The following LRCH1 variants were observed in gnomAD, a reference collection of about 807,000 sequenced individuals.
The protein encoded by LRCH1 is leucine rich repeats and calponin homology domain containing 1.
LRCH1 carries 23 observed loss-of-function variants against 94.9 expected under a neutral mutation model. That is an observed-to-expected ratio of 0.24 (90% CI 0.17 to 0.34). The LOEUF is 0.34. Ranked by LOEUF, LRCH1 falls within the 10% of genes least tolerant of loss-of-function variation. The probability of loss-of-function intolerance (pLI) is 1.00; values close to 1 mark genes in which losing one functional copy is unlikely to be tolerated. For synonymous variants in LRCH1, 364 were observed against 354.9 expected (o/e 1.03, Z -0.29); for missense variants, 790 against 945.9 (o/e 0.84, Z 2.16).
chr13:46,633,109 A>ATTTT (rs778960212), intron 1 of LRCH1, among the ~76,000 whole-genome samples: 194 of 152,318 alleles, frequency 1.3e-3, no homozygotes, highest in Non-Finnish European at 1.9e-3. Flanking sequence ...TGTCTTTCTT[A>ATTTT]TCAGTGCTGC....
intron 1 of LRCH1, among the ~76,000 whole-genome samples, chr13:46,557,464 T>C (rs1025198368): frequency 7.2e-6 from 1 of 139,270 alleles, no homozygotes; most frequent in African/African-American, 2.5e-5. Flanking sequence ...TCCCAGCACT[T>C]TGGGAGGCCT....
At chr13:46,666,831 A>G (rs1280760496) in intron 2 of LRCH1, among the ~76,000 whole-genome samples, 2 of 151,794 alleles carry the variant, frequency 1.3e-5, no homozygotes, top group African/African-American at 4.8e-5. Context: ...TAACAGGAAG[A>G]CCCCCTCCTC....
chr13:46,728,017 A>G (rs1475499812), intron 17 of LRCH1, among the ~76,000 whole-genome samples: 2 of 151,824 alleles, frequency 1.3e-5, no homozygotes, highest in Non-Finnish European at 2.9e-5. Context: ...CCTGAGTTCA[A>G]GACATCCTCC....
intron 16 of LRCH1, among the ~76,000 whole-genome samples, chr13:46,720,849 A>G (rs1212955548): frequency 2.0e-5 from 3 of 152,194 alleles, no homozygotes; most frequent in Non-Finnish European, 4.4e-5. Flanking sequence ...GAGCCTAAAG[A>G]GATTGCCTTA....
intron 13 of LRCH1, chr13:46,705,557 C>T: frequency 1.6e-6 from 1 of 622,652 alleles, no homozygotes; most frequent in Non-Finnish European, 2.9e-6. Context: ...TTTTTTACCT[C>T]AGATCATCTT....
rs565342486 is a variant in LRCH1 at position 46,601,849 on chromosome 13, G to A, written c.307+48146G>A. Among the ~76,000 whole-genome samples the A allele has an allele frequency of 3.8e-4, 58 of 152,244 alleles. 1 individual carries two copies. The South Asian group carries it at 8.7e-3, about 23-fold the overall frequency. On this transcript the variant is annotated intron_variant, in intron 1 of 19. Coordinates refer to ENST00000389797, the MANE Select transcript of LRCH1 (RefSeq NM_001164211.2). The stretch of plus-strand genomic sequence containing the variant: ...GGGCTTGTATCATAGTACCCACGCC[G>A]CTGCCTAACTCTTGATATCCAGTGA...
chr13:46,556,421 G>A (rs1157702410), intron 1 of LRCH1, among the ~76,000 whole-genome samples: 1 of 152,154 alleles, frequency 6.6e-6, no homozygotes, highest in Non-Finnish European at 1.5e-5. Flanking sequence ...ACTTCTATTT[G>A]AATCAAAATA....
intron 1 of LRCH1, among the ~76,000 whole-genome samples, chr13:46,623,250 G>A (rs1425717867): frequency 6.6e-6 from 1 of 152,074 alleles, no homozygotes; most frequent in Non-Finnish European, 1.5e-5. Context: ...TAATAATAAT[G>A]CACAATCTTG....
chr13:46,636,877 T>C (rs2051097661), intron 1 of LRCH1, among the ~76,000 whole-genome samples: 1 of 152,196 alleles, frequency 6.6e-6, no homozygotes, highest in African/African-American at 2.4e-5. Flanking sequence ...CAGGGCTGAG[T>C]GCATGGCCCT....
chr13:46,685,229 A>G lies in LRCH1; in HGVS notation c.686-676A>G, dbSNP rs1870545150. ...TTTGACTTTATTCCTAGCAGCTGCC[A>G]GTGTCGTTTTGAATGCTTGAAATTA... On this transcript the variant is annotated intron_variant, in intron 4 of 19. Transcript: ENST00000389797. Among the ~76,000 whole-genome samples, 2 of 152,146 alleles carry G rather than the reference A, an allele frequency of 1.3e-5. 1 individual carries two copies. The highest frequency in any genetic ancestry group is 4.1e-4 in the South Asian group (2 of 4,824).
At chr13:46,642,828 A>G (rs1246362112) in intron 1 of LRCH1, among the ~76,000 whole-genome samples, 1 of 152,174 alleles carries the variant, frequency 6.6e-6, no homozygotes, top group African/African-American at 2.4e-5. Context: ...CCCATAGCCC[A>G]GTGGGAATCA....
chr13:46,687,915 A>G lies in LRCH1; in HGVS notation c.886A>G (p.Thr296Ala). The change falls in exon 6 of 20, where the codon ACA becomes GCA. Residue 296 changes from threonine to alanine, a missense_variant. This residue lies in a region of LRCH1 where 194 missense variants were observed against 293.5 expected (regional missense o/e 0.66). Coordinates refer to ENST00000389797, the MANE Select transcript of LRCH1 (RefSeq NM_001164211.2). ...YLSIQACQIKTADSLYLHTME... is the reference protein window; with the variant it reads ...YLSIQACQIKAADSLYLHTME... ...GAGCATACAAGCATGCCAGATTAAG[A>G]CAGCTGACTCCCTTTATCTCCACAC... 6.2e-7 allele frequency: 1 copy of G among 1,613,394 alleles called. No homozygotes were observed. Among genetic ancestry groups the G allele is most frequent in the South Asian group, 1.1e-5 (1 of 90,868 alleles).
chr13:46,587,622 A>G (rs2050450136), intron 1 of LRCH1, among the ~76,000 whole-genome samples: 1 of 152,188 alleles, frequency 6.6e-6, no homozygotes, highest in Admixed American at 6.5e-5. Context: ...TTTAACGGTC[A>G]TGGTTAGTTA....
At chr13:46,621,928 A>G (rs1180909063) in intron 1 of LRCH1, among the ~76,000 whole-genome samples, 1 of 152,146 alleles carries the variant, frequency 6.6e-6, no homozygotes, top group African/African-American at 2.4e-5. Flanking sequence ...CTGTACTCTT[A>G]AATGCTAGGG....
At chr13:46,726,275 A>C (rs946642753) in intron 17 of LRCH1, among the ~76,000 whole-genome samples, 1 of 152,210 alleles carries the variant, frequency 6.6e-6, no homozygotes, top group African/African-American at 2.4e-5. Context: ...ACATTCTGGA[A>C]GGTAAAGAGA....
chr13:46,661,677 A>G (rs2051450468), intron 2 of LRCH1, among the ~76,000 whole-genome samples: 2 of 152,202 alleles, frequency 1.3e-5, no homozygotes. Flanking sequence ...GATGAGTAGG[A>G]AAAAAGGATG....
intron 1 of LRCH1, among the ~76,000 whole-genome samples, chr13:46,616,919 G>A (rs1423352490): frequency 3.9e-5 from 6 of 152,200 alleles, no homozygotes; most frequent in Non-Finnish European, 7.3e-5. Context: ...TCTCAAGGGT[G>A]AGGAGAATTA....
chr13:46,620,471 A>G (rs1041191475), intron 1 of LRCH1, among the ~76,000 whole-genome samples: 6 of 152,232 alleles, frequency 3.9e-5, no homozygotes, highest in African/African-American at 9.6e-5. Flanking sequence ...TATTCACTAA[A>G]AAAATGAGAA....
chr13:46,553,641 A>G lies in LRCH1; in HGVS notation c.245A>G (p.Lys82Arg), dbSNP rs1337963767. 5 of 1,604,468 alleles carry G rather than the reference A, an allele frequency of 3.1e-6. No homozygotes were observed. In the African/African-American group the frequency reaches 5.4e-5, roughly 17 times the overall value. The change falls in exon 1 of 20, where the codon AAA becomes AGA. Residue 82 changes from lysine to arginine, a missense_variant. Lys to Arg is a conservative substitution (Grantham distance 26, BLOSUM62 2). Around this residue, in one of 3 missense-constraint regions of LRCH1, gnomAD observed 136 missense variants for 143.5 expected, o/e 0.95. Transcript: ENST00000389797. ...GGGGGGCTGAACCTGAGCGCCAGGA[A>G]ATTGAAGGAATTTCCCCGTACCGCA... ...NSGGLNLSAR[K>R]LKEFPRTAAP... is the part of the protein sequence containing the mutation.
Sources: gnomAD v4.1 joint callset for allele counts (sites outside exome capture counted in the v4.1 genomes callset) on GRCh38, gnomAD v4.1.1 for gene constraint, gnomAD v4.1.1 regional missense constraint, MANE v1.5 for transcripts, NCBI Gene and HGNC (gene_info 2026-07-23, HGNC 2026-07-21) for gene names.